LRRC4B: variants seen among roughly 807,000 people sequenced by gnomAD.
LRRC4B encodes the protein leucine rich repeat containing 4B, also known as leucine-rich repeat-containing protein 4B.
In LRRC4B, 1 loss-of-function variant was observed where a neutral mutation model predicts 7.3. The observed-to-expected ratio is 0.14, with a 90% confidence interval of 0.05 to 0.65. The LOEUF is 0.65. Ranked by LOEUF, LRRC4B falls within the 30% of genes least tolerant of loss-of-function variation. The probability of loss-of-function intolerance (pLI) is 0.84; values close to 1 mark genes in which losing one functional copy is unlikely to be tolerated. For missense variants in LRRC4B, 730 were observed against 1,041.6 expected (o/e 0.70, Z 4.12); for synonymous variants, 500 against 499.2 (o/e 1.00, Z -0.02).
chr19:50,538,312 C>G (rs575686602), intron 2 of LRRC4B, among the ~76,000 whole-genome samples: 1 of 152,326 alleles, frequency 6.6e-6, no homozygotes, highest in East Asian at 1.9e-4. Context: ...ATCCAACCGC[C>G]TCGGCCTCCC....
intron 2 of LRRC4B, among the ~76,000 whole-genome samples, chr19:50,546,650 C>T (rs763141183): frequency 5.9e-5 from 9 of 152,162 alleles, no homozygotes; most frequent in African/African-American, 1.4e-4. Flanking sequence ...ACGGAGGGAG[C>T]GGGCCTGTGC....
rs1285608873 is a variant in LRRC4B at position 50,519,797 on chromosome 19, C to A, written c.298-382G>T. ...CTGAGGCACGAGAATCACTTGAACC[C>A]AGGAGGCGGAGTCTGCAGTGAGTCG... On this transcript the variant is annotated intron_variant, in intron 2 of 2. Coordinates refer to ENST00000652263, the MANE Select transcript of LRRC4B (RefSeq NM_001080457.2). The surrounding 1 kb of genome is among the most constrained non-coding windows in gnomAD (Gnocchi z 8.1). Among the ~76,000 whole-genome samples the A allele has an allele frequency of 6.6e-6, 1 of 151,996 alleles. No homozygotes were observed. Among genetic ancestry groups the A allele is most frequent in the Non-Finnish European group, 1.5e-5 (1 of 67,980 alleles).
rs117171508 is a variant in LRRC4B, at chr19:50,550,320, C to T, written c.-35-1447G>A. Among the ~76,000 whole-genome samples, 466 of 152,220 alleles carry T rather than the reference C, an allele frequency of 3.1e-3. 1 individual carries two copies. Among genetic ancestry groups the T allele is most frequent in the Non-Finnish European group, 4.9e-3 (332 of 68,008 alleles). ...TGAGTACACACAAATACACCCACAC[C>T]AGCAGGCCCTGCCCCAACACAGGCC... On this transcript the variant is annotated intron_variant, in intron 1 of 2. Transcript: ENST00000652263.
chr19:50,547,028 AC>A (rs1981845748), intron 2 of LRRC4B, among the ~76,000 whole-genome samples: 1 of 152,080 alleles, frequency 6.6e-6, no homozygotes, highest in Non-Finnish European at 1.5e-5. Flanking sequence ...GTTGAACGTC[AC>A]GTGTATAAGT....
At chr19:50,527,106 T>C (rs942144165) in intron 2 of LRRC4B, among the ~76,000 whole-genome samples, 16 of 151,484 alleles carry the variant, frequency 1.1e-4, no homozygotes, top group Non-Finnish European at 1.5e-4. Context: ...AATCCCGGCT[T>C]ACTGCAAGCT....
chr19:50,551,786 GTCTC>G (rs941448175), intron 1 of LRRC4B, among the ~76,000 whole-genome samples: 9 of 151,442 alleles, frequency 5.9e-5, no homozygotes, highest in South Asian at 2.1e-4. Flanking sequence ...GGCTCTGTCT[GTCTC>G]TCTCTTTCTC....
At chr19:50,520,128 C>T (rs1980489576) in intron 2 of LRRC4B, among the ~76,000 whole-genome samples, 2 of 131,822 alleles carry the variant, frequency 1.5e-5, no homozygotes. Context: ...ATTGCGTGAG[C>T]CTGGAAAGTG....
At chr19:50,544,891 T>TA (rs11429998) in intron 2 of LRRC4B, among the ~76,000 whole-genome samples, 11,262 of 151,376 alleles carry the variant, frequency 0.074, 664 homozygotes, top group African/African-American at 0.16. Context: ...CCTGTCTTCA[T>TA]AAAAAAGAAA....
At position 50,516,906 on chromosome 19, in the gene LRRC4B, A is replaced by C. The variant is rs1043722500; in HGVS notation, c.*665T>G. 1 of 152,096 alleles carries C rather than the reference A, an allele frequency of 6.6e-6. No homozygotes were observed. Among genetic ancestry groups the C allele is most frequent in the Non-Finnish European group, 1.5e-5 (1 of 68,000 alleles). 9.4% of individuals were successfully genotyped at this position (152,096 alleles called of 1,614,324 possible). ...CTCCTCCGTGCTTTCATGACCAAAA[A>C]AAATATTTTTTTACTTTTTCCATGT... is the stretch of plus-strand genomic sequence containing the variant. On this transcript the variant is annotated 3_prime_UTR_variant, in exon 3 of 3. Coordinates refer to ENST00000652263, the MANE Select transcript of LRRC4B (RefSeq NM_001080457.2).
At chr19:50,557,117 C>T (rs934083220) in intron 1 of LRRC4B, among the ~76,000 whole-genome samples, 1 of 151,866 alleles carries the variant, frequency 6.6e-6, no homozygotes, top group South Asian at 2.1e-4. Context: ...GCTGGAGCCA[C>T]GGGGATGGAG....
rs1373229610 is a variant in LRRC4B, at chr19:50,519,907, G to C, written c.298-492C>G. Reference sequence around the variant, plus strand: ...AAAAAAACTGGATTCAAGAATTTTGGGGGACCAAGCACAGGGGTGGCTCAT... The same window carrying C: ...AAAAAAACTGGATTCAAGAATTTTGCGGGACCAAGCACAGGGGTGGCTCAT... On this transcript the variant is annotated intron_variant, in intron 2 of 2. Coordinates refer to ENST00000652263, the MANE Select transcript of LRRC4B (RefSeq NM_001080457.2). The surrounding 1 kb of genome is among the most constrained non-coding windows in gnomAD (Gnocchi z 8.1). Among the ~76,000 whole-genome samples, 1 of 148,596 alleles carries C rather than the reference G, an allele frequency of 6.7e-6. No individual in the cohort carries two copies. Among genetic ancestry groups the C allele is most frequent in the African/African-American group, 2.5e-5 (1 of 40,224 alleles).
chr19:50,526,662 G>A (rs1980819600), intron 2 of LRRC4B, among the ~76,000 whole-genome samples: 1 of 152,090 alleles, frequency 6.6e-6, no homozygotes, highest in Non-Finnish European at 1.5e-5. Flanking sequence ...AGGCAATAAG[G>A]TGAAACCGTG....
chr19:50,528,401 G>C (rs925958633), intron 2 of LRRC4B, among the ~76,000 whole-genome samples: 12 of 152,122 alleles, frequency 7.9e-5, no homozygotes, highest in African/African-American at 2.9e-4. Context: ...CTGGACTGCA[G>C]TGGTGCGATC....
rs1980458714 is a variant in LRRC4B at position 50,519,471 on chromosome 19, G to GA, written c.298-57dup. ...GAGATACTGACGGGGACCGTGGGGGGATCACCAAGGTCCCGGGCGCAGGTG... is the reference window on the plus strand; with the variant it reads ...GAGATACTGACGGGGACCGTGGGGGGAATCACCAAGGTCCCGGGCGCAGGTG... On this transcript the variant is annotated intron_variant, in intron 2 of 2. Transcript: ENST00000652263. This position sits in a 1 kb window ranked among gnomAD's most constrained non-coding sequence, Gnocchi z 8.1. 6.8e-7 allele frequency: 1 copy of GA among 1,479,684 alleles called. No individual in the cohort carries two copies. The highest frequency in any genetic ancestry group is 1.4e-5 in the African/African-American group (1 of 71,642). 91.7% of individuals were successfully genotyped at this position (1,479,684 alleles called of 1,614,324 possible).
intron 1 of LRRC4B, chr19:50,550,882 CT>C (rs888176314): frequency 1.3e-5 from 2 of 152,246 alleles, no homozygotes; most frequent in African/African-American, 2.4e-5. Context: ...GCTCCTACCT[CT>C]TAAGACCCTG....
intron 2 of LRRC4B, among the ~76,000 whole-genome samples, chr19:50,540,883 A>C (rs1326816581): frequency 2.0e-5 from 3 of 151,888 alleles, no homozygotes; most frequent in African/African-American, 4.8e-5. Context: ...TAATAATAAT[A>C]ATAGAAATAA....
intron 2 of LRRC4B, among the ~76,000 whole-genome samples, chr19:50,547,175 A>G (rs1458071984): frequency 6.6e-6 from 1 of 152,166 alleles, no homozygotes; most frequent in Non-Finnish European, 1.5e-5. Context: ...GACTCAAAGC[A>G]AACTGGCAGA....
intron 2 of LRRC4B, among the ~76,000 whole-genome samples, chr19:50,521,862 A>G (rs1254275428): frequency 2.0e-5 from 3 of 151,534 alleles, no homozygotes; most frequent in African/African-American, 7.3e-5. Flanking sequence ...GTGCCCGGCC[A>G]CTATACATAG....
intron 1 of LRRC4B, among the ~76,000 whole-genome samples, chr19:50,561,373 G>GC (rs1160071060): frequency 1.3e-5 from 2 of 152,104 alleles, no homozygotes; most frequent in Non-Finnish European, 2.9e-5. Flanking sequence ...CCCTTCTGGT[G>GC]CTTGAGAGGC....
Sources: allele counts gnomAD v4.1 joint callset (sites outside exome capture counted in the v4.1 genomes callset), GRCh38; gene constraint gnomAD v4.1.1; non-coding constraint Gnocchi (gnomAD v3.1); transcripts MANE v1.5; gene names NCBI Gene and HGNC (gene_info 2026-07-23, HGNC 2026-07-21).